Variants in EPB41L4B observed in about 807,000 individuals in gnomAD.
EPB41L4B encodes band 4.1-like protein 4B.
EPB41L4B carries 30 observed loss-of-function variants against 112.5 expected under a neutral mutation model. That is an observed-to-expected ratio of 0.27 (90% CI 0.20 to 0.36). The LOEUF is 0.36. EPB41L4B is among the 10% of genes least tolerant of loss of function. EPB41L4B has a pLI of 1.00. For missense variants in EPB41L4B, 1,024 were observed against 1,133.3 expected (o/e 0.90, Z 1.38); for synonymous variants, 408 against 439.7 (o/e 0.93, Z 0.90).
chr9:109,231,850 G>T (rs1164372659), intron 15 of EPB41L4B, among the ~76,000 whole-genome samples: 1 of 152,048 alleles, frequency 6.6e-6, no homozygotes, highest in Non-Finnish European at 1.5e-5. Flanking sequence ...GCAGTCCAGA[G>T]AATTACTATT....
rs186680937 is a variant in EPB41L4B at position 109,238,788 on chromosome 9, G to A, written c.1409+4830C>T. The stretch of plus-strand genomic sequence containing the variant: ...GGCAGACATTGAGCAGGAGTTAGGG[G>A]AAGGGATGGGAGTGACAGAATTCTA... On this transcript the variant is annotated intron_variant, in intron 15 of 25. Transcript: ENST00000374566. Among the ~76,000 whole-genome samples, 55 of 152,318 alleles carry A rather than the reference G, an allele frequency of 3.6e-4. No homozygotes were observed. In the Middle Eastern group the frequency reaches 0.01, roughly 28 times the overall value.
chr9:109,231,121 T>C (rs1833939791), intron 15 of EPB41L4B, among the ~76,000 whole-genome samples: 1 of 148,004 alleles, frequency 6.8e-6, no homozygotes, highest in Non-Finnish European at 1.5e-5. Flanking sequence ...ATTGTGCCAT[T>C]GCACTCCAGC....
chr9:109,231,935 A>T (rs560399958), intron 15 of EPB41L4B, among the ~76,000 whole-genome samples: 1 of 151,410 alleles, frequency 6.6e-6, no homozygotes, highest in Admixed American at 6.6e-5. Flanking sequence ...AAAAAAAAAT[A>T]CAAATATAGT....
In EPB41L4B at chr9:109,172,951, T is replaced by C. The variant is rs1831683586; in HGVS notation, c.*1603A>G. 6.6e-6 allele frequency: 1 copy of C among 152,598 alleles called. No homozygotes were observed. Among genetic ancestry groups the C allele is most frequent in the African/African-American group, 2.4e-5 (1 of 41,434 alleles). 9.5% of individuals were successfully genotyped at this position (152,598 alleles called of 1,614,324 possible). A position where few individuals can be genotyped will look rare whatever the true frequency, so the allele number is the denominator to read the frequency against. ...ATATAACATAAAAATACAGTTCTGA[T>C]ACAAATATATGAGATCAGTTCCTCT... On this transcript the variant is annotated 3_prime_UTR_variant, in exon 26 of 26. Coordinates refer to ENST00000374566, the MANE Select transcript of EPB41L4B (RefSeq NM_019114.5).
chr9:109,189,144 G>A lies in EPB41L4B; in HGVS notation c.2301+3134C>T, dbSNP rs143423794. Among the ~76,000 whole-genome samples, 503 of 152,212 alleles carry A rather than the reference G, an allele frequency of 3.3e-3. 5 individuals carry two copies. Among genetic ancestry groups the A allele is most frequent in the South Asian group, 0.018 (89 of 4,826 alleles). ...CTTGCCTCCTTCCCTTCTCACCCAC[G>A]TATTCCACCTCTTGCAACCCAGGCA... On this transcript the variant is annotated intron_variant, in intron 22 of 25. Transcript: ENST00000374566.
rs1468101825 is a variant in EPB41L4B, at chr9:109,314,298, C to T, written c.306+5843G>A. Among the ~76,000 whole-genome samples, 3 of 152,180 alleles carry T rather than the reference C, an allele frequency of 2.0e-5. No homozygotes were observed. In the South Asian group the frequency reaches 6.2e-4, roughly 32 times the overall value. Reference sequence around the variant, plus strand: ...GGCTGGATTTTTTTCTAAGTCCCCACGCAAGAATTTAAGGGAAGGCCCCAC... The same window carrying T: ...GGCTGGATTTTTTTCTAAGTCCCCATGCAAGAATTTAAGGGAAGGCCCCAC... On this transcript the variant is annotated intron_variant, in intron 1 of 25. Coordinates refer to ENST00000374566, the MANE Select transcript of EPB41L4B (RefSeq NM_019114.5).
At position 109,320,506 on chromosome 9, in the gene EPB41L4B, G is replaced by C; in HGVS notation, c.-60C>G. The stretch of plus-strand genomic sequence containing the variant: ...CGCTGCCGCTGCCGCTGCCGCTGCC[G>C]CTGCGCCGCCGCCCGGGAGCGTCCC... On this transcript the variant is annotated 5_prime_UTR_variant, in exon 1 of 26. Coordinates refer to ENST00000374566, the MANE Select transcript of EPB41L4B (RefSeq NM_019114.5). The C allele has an allele frequency of 1.1e-6, 1 of 871,284 alleles. No homozygotes were observed. Among genetic ancestry groups the C allele is most frequent in the Non-Finnish European group, 1.4e-6 (1 of 727,404 alleles). The allele number at this position is 871,284 out of a possible 1,614,324, so 54.0% of individuals were successfully genotyped here.
chr9:109,231,157 C>CAAA (rs57118508), intron 15 of EPB41L4B, among the ~76,000 whole-genome samples: 1,705 of 82,912 alleles, frequency 0.021, 33 homozygotes, highest in South Asian at 0.067. Context: ...AACTCCATCT[C>CAAA]AAAAAAAAAA....
At chr9:109,190,205 G>C (rs1305993178) in intron 22 of EPB41L4B, among the ~76,000 whole-genome samples, 1 of 152,202 alleles carries the variant, frequency 6.6e-6, no homozygotes, top group Non-Finnish European at 1.5e-5. Flanking sequence ...CAGGATAGTG[G>C]TGGGGCCTCA....
intron 1 of EPB41L4B, among the ~76,000 whole-genome samples, chr9:109,311,482 A>T (rs1187690716): frequency 6.6e-6 from 1 of 152,184 alleles, no homozygotes; most frequent in Admixed American, 6.5e-5. Context: ...GCTGGGTAAC[A>T]AAGAAGCACC....
Position 109,240,714 on chromosome 9 carries a change from C to G in EPB41L4B, c.1409+2904G>C, listed in dbSNP as rs1249043344. 1.0e-5 allele frequency: 10 copies of G among 985,250 alleles called. No individual in the cohort carries two copies. In the East Asian group the frequency reaches 1.1e-3, roughly 112 times the overall value. The allele number at this position is 985,250 out of a possible 1,614,324, so 61.0% of individuals were successfully genotyped here. ...ATGCTTTGGCACAACTTCAAGAAAACCTTATATGCTTTCATTTGAGCCATA... is the reference window on the plus strand; with the variant it reads ...ATGCTTTGGCACAACTTCAAGAAAAGCTTATATGCTTTCATTTGAGCCATA... On this transcript the variant is annotated intron_variant, in intron 15 of 25. Transcript: ENST00000374566.
chr9:109,312,927 T>C (rs557592784), intron 1 of EPB41L4B, among the ~76,000 whole-genome samples: 30 of 152,172 alleles, frequency 2.0e-4, no homozygotes, highest in South Asian at 1.5e-3. Context: ...GGCAATTCCA[T>C]TGTCACTCTG....
intron 1 of EPB41L4B, among the ~76,000 whole-genome samples, chr9:109,303,422 T>C (rs1014504517): frequency 2.0e-5 from 3 of 152,134 alleles, no homozygotes; most frequent in African/African-American, 7.2e-5. Flanking sequence ...CTCGACTCAC[T>C]GCAACCTCCA....
rs1004422078 is a variant in EPB41L4B, at chr9:109,194,093, G to C, written c.2223+127C>G. 12 of 1,006,886 alleles carry C rather than the reference G, an allele frequency of 1.2e-5. No individual in the cohort carries two copies. The African/African-American group carries it at 1.3e-4, about 11-fold the overall frequency. The allele number at this position is 1,006,886 out of a possible 1,614,324, so 62.4% of individuals were successfully genotyped here. On this transcript the variant is annotated intron_variant, in intron 21 of 25. Transcript: ENST00000374566. ...ATAAAAACATGTTCTGGTTGTTGCTGTTGTTTTATGAGTATACACAATTGA... is the reference window on the plus strand; with the variant it reads ...ATAAAAACATGTTCTGGTTGTTGCTCTTGTTTTATGAGTATACACAATTGA...
chr9:109,298,782 C>A (rs1836838836), intron 1 of EPB41L4B, among the ~76,000 whole-genome samples: 1 of 152,128 alleles, frequency 6.6e-6, no homozygotes, highest in African/African-American at 2.4e-5. Flanking sequence ...TTTTCGCTAA[C>A]CCCAATTTTC....
chr9:109,243,496 A>T, intron 15 of EPB41L4B, 122 bp downstream of exon 15: 1 of 830,964 alleles, frequency 1.2e-6, no homozygotes, highest in East Asian at 2.6e-5. Flanking sequence ...CTCGGCCATG[A>T]CAATGCATCC....
chr9:109,217,041 T>C lies in EPB41L4B; in HGVS notation c.1514A>G (p.His505Arg), dbSNP rs1280624374. 6.2e-7 allele frequency: 1 copy of C among 1,614,200 alleles called. No individual in the cohort carries two copies. The highest frequency in any genetic ancestry group is 8.5e-7 in the Non-Finnish European group (1 of 1,180,032). The change falls in exon 16 of 26, where the codon CAC (histidine) becomes CGC (arginine). Residue 505 changes from histidine to arginine, a missense_variant. Transcript: ENST00000374566. ...PFLTAASGRH[H>R]HQHQHQHQHQ... ...CTGATGCTGATGCTGGTGCTGGTGGTGATGCCTTCCTGAAGCTGCGGTGAG... is the reference window on the plus strand; with the variant it reads ...CTGATGCTGATGCTGGTGCTGGTGGCGATGCCTTCCTGAAGCTGCGGTGAG...
intron 1 of EPB41L4B, among the ~76,000 whole-genome samples, chr9:109,288,626 G>A (rs963100715): frequency 1.3e-5 from 2 of 149,096 alleles, no homozygotes; most frequent in African/African-American, 4.9e-5. Context: ...GGGAGGCTGA[G>A]GCAGGAGAAT....
chr9:109,313,088 A>G (rs544083738), intron 1 of EPB41L4B, among the ~76,000 whole-genome samples: 13 of 152,124 alleles, frequency 8.5e-5, no homozygotes, highest in African/African-American at 2.9e-4. Flanking sequence ...CAAAAAAAGA[A>G]AAAAAAACCT....
Sources: allele counts gnomAD v4.1 joint callset (sites outside exome capture counted in the v4.1 genomes callset), GRCh38; gene constraint gnomAD v4.1.1; transcripts MANE v1.5; gene names NCBI Gene and HGNC (gene_info 2026-07-23, HGNC 2026-07-21).